ASAP1: variants seen among roughly 807,000 people sequenced by gnomAD.
ASAP1 encodes the protein arf-GAP with SH3 domain, ANK repeat and PH domain-containing protein 1.
Under a neutral mutation model 145.2 loss-of-function variants are expected in ASAP1, and 43 were observed. The ratio of observed to expected loss-of-function variants is 0.30; its 90% CI spans 0.23 to 0.38. The LOEUF (loss-of-function observed/expected upper bound fraction) is 0.38, where lower values mean the gene tolerates loss of function less well. Ranked by LOEUF, ASAP1 falls within the 10% of genes least tolerant of loss-of-function variation. The pLI is 1.00. For missense variants in ASAP1, 1,018 were observed against 1,355.3 expected (o/e 0.75, Z 3.91); for synonymous variants, 546 against 515.5 (o/e 1.06, Z -0.80).
intron 4 of ASAP1, among the ~76,000 whole-genome samples, chr8:130,235,204 T>C (rs1014472959): frequency 6.6e-6 from 1 of 152,176 alleles, no homozygotes; most frequent in African/African-American, 2.4e-5. Context: ...GTCTATTATA[T>C]GTATACTATG....
At chr8:130,355,679 A>G (rs1244289178) in intron 3 of ASAP1, among the ~76,000 whole-genome samples, 1 of 152,184 alleles carries the variant, frequency 6.6e-6, no homozygotes, top group Non-Finnish European at 1.5e-5. Context: ...CTGAATTGTG[A>G]CCCACCTAAG....
At position 130,166,546 on chromosome 8, in the gene ASAP1, G is replaced by C. The variant is rs544729235; in HGVS notation, c.909+990C>G. 3.2e-3 allele frequency among the ~76,000 whole-genome samples: 490 copies of C among 151,916 alleles called. 1 individual carries two copies. The highest frequency in any genetic ancestry group is 4.8e-3 in the Non-Finnish European group (328 of 67,970). ...TATGCTGGGGAGTTTTCCATCTCTG[G>C]GTCTTGTAGGTTTCTGTCTGGCTGC... is the stretch of plus-strand genomic sequence containing the variant. On this transcript the variant is annotated intron_variant, in intron 11 of 29. Transcript: ENST00000518721.
intron 4 of ASAP1, among the ~76,000 whole-genome samples, chr8:130,226,527 G>T (rs1334323767): frequency 6.6e-6 from 1 of 152,120 alleles, no homozygotes; most frequent in Non-Finnish European, 1.5e-5. Flanking sequence ...TGCCACTTTG[G>T]ATGATTCATT....
At chr8:130,328,075 T>C (rs1824452029) in intron 3 of ASAP1, among the ~76,000 whole-genome samples, 1 of 152,220 alleles carries the variant, frequency 6.6e-6, no homozygotes, top group African/African-American at 2.4e-5. Flanking sequence ...GCACCACTAC[T>C]GCAGCTGTCT....
At chr8:130,400,346 A>T (rs1828729924) in intron 2 of ASAP1, among the ~76,000 whole-genome samples, 1 of 152,082 alleles carries the variant, frequency 6.6e-6, no homozygotes, top group South Asian at 2.1e-4. Flanking sequence ...TCTAATTTTT[A>T]TCATCCTCTA....
At chr8:130,389,386 T>G (rs1393989135) in intron 2 of ASAP1, among the ~76,000 whole-genome samples, 1 of 152,244 alleles carries the variant, frequency 6.6e-6, no homozygotes, top group Non-Finnish European at 1.5e-5. Flanking sequence ...GGCTGACTAA[T>G]GCACTAATTG....
At chr8:130,326,587 C>T (rs532001217) in intron 3 of ASAP1, among the ~76,000 whole-genome samples, 1 of 152,316 alleles carries the variant, frequency 6.6e-6, no homozygotes, top group South Asian at 2.1e-4. Flanking sequence ...TTAAACAGCT[C>T]GCTCCACGCT....
intron 1 of ASAP1, among the ~76,000 whole-genome samples, chr8:130,408,302 G>C (rs1258040355): frequency 6.6e-6 from 1 of 152,352 alleles, no homozygotes; most frequent in South Asian, 2.1e-4. Flanking sequence ...TCAGGAGACT[G>C]AGTAAGGAAG....
chr8:130,376,271 C>T (rs1353762968), intron 2 of ASAP1, among the ~76,000 whole-genome samples: 2 of 152,194 alleles, frequency 1.3e-5, no homozygotes, highest in African/African-American at 4.8e-5. Flanking sequence ...CTGCTGGGTC[C>T]ACACAGCCAG....
chr8:130,407,611 G>C (rs1252118340), intron 1 of ASAP1, among the ~76,000 whole-genome samples: 2 of 152,206 alleles, frequency 1.3e-5, no homozygotes, highest in Non-Finnish European at 2.9e-5. Context: ...GCCTGCTAAA[G>C]TGAACCAGAA....
intron 2 of ASAP1, among the ~76,000 whole-genome samples, chr8:130,400,730 G>C (rs1565284462): frequency 6.6e-6 from 1 of 150,490 alleles, no homozygotes. Context: ...GGCGGAGCTT[G>C]CAGTGAGCCG....
intron 2 of ASAP1, among the ~76,000 whole-genome samples, chr8:130,359,359 T>G (rs1297973698): frequency 6.6e-6 from 1 of 152,128 alleles, no homozygotes; most frequent in Non-Finnish European, 1.5e-5. Context: ...ATGGCTAATT[T>G]TAAAACTAGC....
In ASAP1 at chr8:130,443,452, C is replaced by G. The variant is rs1459764947; in HGVS notation, c.-28+8G>C. The G allele has an allele frequency of 6.6e-6, 1 of 151,008 alleles. No individual in the cohort carries two copies. Among genetic ancestry groups the G allele is most frequent in the Non-Finnish European group, 1.5e-5 (1 of 67,592 alleles). 9.4% of individuals were successfully genotyped at this position (151,008 alleles called of 1,614,324 possible). A position where few individuals can be genotyped will look rare whatever the true frequency, so the allele number is the denominator to read the frequency against. On this transcript the variant is annotated splice_region_variant and intron_variant, in intron 1 of 29. Coordinates refer to ENST00000518721, the MANE Select transcript of ASAP1 (RefSeq NM_018482.4). ...CCGCCGAGCGCGCCCGAGCGCCCCG[C>G]AACTCACCGGGACCTGGCGGGCCGC...
intron 3 of ASAP1, among the ~76,000 whole-genome samples, chr8:130,317,713 G>A (rs183410922): frequency 2.1e-3 from 325 of 152,310 alleles, no homozygotes; most frequent in Non-Finnish European, 3.7e-3. Flanking sequence ...CTGTTGCTAC[G>A]CGTTTGTTTC....
intron 10 of ASAP1, among the ~76,000 whole-genome samples, chr8:130,167,947 T>C (rs1445480080): frequency 6.6e-6 from 1 of 152,190 alleles, no homozygotes; most frequent in East Asian, 1.9e-4. Flanking sequence ...GAAAATACCA[T>C]AATGTGATTA....
chr8:130,058,628 T>G (rs1003730419), intron 28 of ASAP1, among the ~76,000 whole-genome samples: 17 of 152,214 alleles, frequency 1.1e-4, no homozygotes, highest in African/African-American at 3.4e-4. Flanking sequence ...GTTTTAATTT[T>G]TGATTAGTTT....
chr8:130,105,110 A>T (rs138039304), intron 24 of ASAP1, among the ~76,000 whole-genome samples: 350 of 152,344 alleles, frequency 2.3e-3, no homozygotes, highest in African/African-American at 8.0e-3. Context: ...TAAAATATGT[A>T]TACAGTTGGA....
intron 4 of ASAP1, among the ~76,000 whole-genome samples, chr8:130,223,058 A>T (rs536636157): frequency 6.6e-6 from 1 of 152,324 alleles, no homozygotes. Flanking sequence ...TGCCCTGCTG[A>T]TTGGCCACTA....
Position 130,058,037 on chromosome 8 carries a change from A to C in ASAP1, c.3232T>G (p.Cys1078Gly), listed in dbSNP as rs564963434. ...KVRRVKTIYD[C>G]QADNDDELTF... ...AGCTCGTCATCGTTGTCTGCCTGGC[A>C]GTCATAAATGGTCTTCACTCGCCTC... The change falls in exon 29 of 30, where the codon TGC becomes GGC. Residue 1078 changes from cysteine (C) to glycine (G), a missense_variant. Coordinates refer to ENST00000518721, the MANE Select transcript of ASAP1 (RefSeq NM_018482.4). 1 of 1,614,254 alleles carries C rather than the reference A, an allele frequency of 6.2e-7. No individual in the cohort carries two copies. Among genetic ancestry groups the C allele is most frequent in the East Asian group, 2.2e-5 (1 of 44,894 alleles).
Sources: allele counts gnomAD v4.1 joint callset (sites outside exome capture counted in the v4.1 genomes callset), GRCh38; gene constraint gnomAD v4.1.1; transcripts MANE v1.5; gene names NCBI Gene and HGNC (gene_info 2026-07-23, HGNC 2026-07-21).